RBMS3: variants seen among roughly 807,000 people sequenced by gnomAD.
The protein encoded by RBMS3 is RNA-binding motif, single-stranded-interacting protein 3.
In RBMS3, 27 loss-of-function variants were observed where a neutral mutation model predicts 66.8. The ratio of observed to expected loss-of-function variants is 0.40; its 90% CI spans 0.30 to 0.56. RBMS3 has a LOEUF of 0.56. Among genes scored for constraint, RBMS3 ranks in the 20% least tolerant of loss-of-function variants. The probability of loss-of-function intolerance (pLI) is 0.40; values close to 1 mark genes in which losing one functional copy is unlikely to be tolerated. For synonymous variants in RBMS3, 188 were observed against 183.0 expected (o/e 1.03, Z -0.22); for missense variants, 513 against 549.5 (o/e 0.93, Z 0.66).
chr3:29,333,775 T>A (rs1212424868), intron 1 of RBMS3, among the ~76,000 whole-genome samples: 1 of 152,214 alleles, frequency 6.6e-6, no homozygotes, highest in South Asian at 2.1e-4. Flanking sequence ...GGATGCAAAG[T>A]TGTCTTTGTT....
At chr3:29,598,619 C>T (rs2149112330) in intron 4 of RBMS3, among the ~76,000 whole-genome samples, 1 of 152,066 alleles carries the variant, frequency 6.6e-6, no homozygotes, top group South Asian at 2.1e-4. Context: ...ATCATATTGT[C>T]AAATATAGGC....
intron 2 of RBMS3, among the ~76,000 whole-genome samples, chr3:29,441,693 TG>T (rs1553603731): frequency 6.6e-6 from 1 of 152,208 alleles, no homozygotes; most frequent in Non-Finnish European, 1.5e-5. Flanking sequence ...AAAATAGGTT[TG>T]GACCTCAAGT....
intron 12 of RBMS3, among the ~76,000 whole-genome samples, chr3:29,985,612 A>G (rs1259006338): frequency 1.3e-5 from 2 of 151,948 alleles, no homozygotes; most frequent in African/African-American, 4.8e-5. Context: ...GAGTTATCCA[A>G]CCCCTTGTGC....
intron 4 of RBMS3, among the ~76,000 whole-genome samples, chr3:29,603,833 G>A (rs2048231633): frequency 1.3e-5 from 2 of 151,906 alleles, no homozygotes; most frequent in South Asian, 4.1e-4. Flanking sequence ...TAATACTGAA[G>A]CTAACACCTG....
rs1491567884 is a variant in RBMS3, at chr3:29,527,181, T to TTAAAA, written c.307+38682_307+38683insTAAAA. 2.7e-4 allele frequency among the ~76,000 whole-genome samples: 24 copies of TTAAAA among 87,826 alleles called. 1 individual carries two copies. The highest frequency in any genetic ancestry group is 5.7e-4 in the African/African-American group (12 of 21,058). The allele number at this position is 87,826 out of a possible 152,430, so 57.6% of individuals were successfully genotyped here. On this transcript the variant is annotated intron_variant, in intron 3 of 14. Transcript: ENST00000383767. Reference sequence around the variant, plus strand: ...TTTCAGACGTGATTGTTAGGTAGAGTAAAAAAAAAAAAAAAAAAAAAAAAA... The same window carrying TTAAAA: ...TTTCAGACGTGATTGTTAGGTAGAGTTAAAAAAAAAAAAAAAAAAAAAAAAAAAAA...
chr3:29,581,370 G>C (rs1161236274), intron 3 of RBMS3, among the ~76,000 whole-genome samples: 1 of 152,118 alleles, frequency 6.6e-6, no homozygotes, highest in East Asian at 1.9e-4. Context: ...GAATAGTTTA[G>C]GGATACAGTA....
chr3:29,326,655 G>A (rs1408386605), intron 1 of RBMS3, among the ~76,000 whole-genome samples: 4 of 151,892 alleles, frequency 2.6e-5, no homozygotes, highest in African/African-American at 9.7e-5. Context: ...CTCGTACTGA[G>A]CTCAGTGTTT....
intron 3 of RBMS3, among the ~76,000 whole-genome samples, chr3:29,503,515 T>C (rs2044057454): frequency 6.6e-6 from 1 of 152,120 alleles, no homozygotes; most frequent in South Asian, 2.1e-4. Flanking sequence ...ATTTCTTTCT[T>C]GCCTAGTTCC....
At chr3:29,741,625 A>G (rs955752472) in intron 5 of RBMS3, among the ~76,000 whole-genome samples, 2 of 152,096 alleles carry the variant, frequency 1.3e-5, no homozygotes, top group African/African-American at 4.8e-5. Context: ...AAGAAGACCT[A>G]CAGTGATATT....
chr3:29,706,974 TC>T (rs2052927612), intron 4 of RBMS3, among the ~76,000 whole-genome samples: 1 of 152,166 alleles, frequency 6.6e-6, no homozygotes, highest in Non-Finnish European at 1.5e-5. Context: ...CTTAGAGAGA[TC>T]ACTATTGCCC....
At chr3:29,887,920 A>G (rs1280354147) in intron 8 of RBMS3, among the ~76,000 whole-genome samples, 1 of 151,788 alleles carries the variant, frequency 6.6e-6, no homozygotes, top group African/African-American at 2.4e-5. Flanking sequence ...CGAGGTTTCA[A>G]CTGCTAATCT....
At chr3:29,730,343 T>C (rs962194156) in intron 4 of RBMS3, among the ~76,000 whole-genome samples, 2 of 149,860 alleles carry the variant, frequency 1.3e-5, no homozygotes, top group African/African-American at 4.9e-5. Flanking sequence ...ACAATGAGAA[T>C]GGTTGTCTTT....
chr3:29,435,580 C>T (rs944876818), intron 2 of RBMS3, among the ~76,000 whole-genome samples: 2 of 152,172 alleles, frequency 1.3e-5, no homozygotes, highest in African/African-American at 4.8e-5. Flanking sequence ...CATTAATTCT[C>T]TTATTTCTGT....
chr3:29,379,096 T>C (rs2038636413), intron 1 of RBMS3, among the ~76,000 whole-genome samples: 1 of 152,170 alleles, frequency 6.6e-6, no homozygotes, highest in South Asian at 2.1e-4. Context: ...TCCTCTTGAG[T>C]TTCCTGAGCA....
intron 4 of RBMS3, among the ~76,000 whole-genome samples, chr3:29,600,744 T>TA (rs1282445610): frequency 2.6e-5 from 4 of 152,028 alleles, no homozygotes; most frequent in Admixed American, 6.6e-5. Context: ...TGCTGCCACT[T>TA]AAATAGCATT....
intron 1 of RBMS3, among the ~76,000 whole-genome samples, chr3:29,346,639 G>A (rs1034115788): frequency 2.6e-5 from 4 of 151,900 alleles, no homozygotes; most frequent in Non-Finnish European, 5.9e-5. Context: ...CCTGACCTCA[G>A]GTGATCCACT....
chr3:29,464,740 T>C (rs2042480802), intron 2 of RBMS3, among the ~76,000 whole-genome samples: 1 of 152,194 alleles, frequency 6.6e-6, no homozygotes, highest in Non-Finnish European at 1.5e-5. Flanking sequence ...GATCAAGCGC[T>C]ACTTTCTCTG....
chr3:29,725,355 A>G (rs892108812), intron 4 of RBMS3, among the ~76,000 whole-genome samples: 1 of 152,206 alleles, frequency 6.6e-6, no homozygotes, highest in East Asian at 1.9e-4. Flanking sequence ...AAGACAAGAA[A>G]CAACTAAGAT....
intron 4 of RBMS3, among the ~76,000 whole-genome samples, chr3:29,737,891 A>G (rs751572653): frequency 3.9e-5 from 4 of 103,382 alleles, no homozygotes; most frequent in Non-Finnish European, 7.8e-5. Flanking sequence ...TCTGTGACAG[A>G]GAAAGAGAGG....
Sources: allele counts gnomAD v4.1 joint callset (sites outside exome capture counted in the v4.1 genomes callset), GRCh38; gene constraint gnomAD v4.1.1; transcripts MANE v1.5; gene names NCBI Gene and HGNC (gene_info 2026-07-23, HGNC 2026-07-21).